The following NCOR1 variants were observed in gnomAD, a reference collection of about 807,000 sequenced individuals.
NCOR1 encodes the protein nuclear receptor corepressor 1.
Under a neutral mutation model 288.1 loss-of-function variants are expected in NCOR1, and 63 were observed. The observed-to-expected ratio is 0.22, with a 90% confidence interval of 0.18 to 0.27. The LOEUF is 0.27. Ranked by LOEUF, NCOR1 falls within the 10% of genes least tolerant of loss-of-function variation. NCOR1 has a pLI of 1.00. For synonymous variants in NCOR1, 1,007 were observed against 1,065.9 expected, an observed-to-expected ratio of 0.94 and a Z score of 1.08; for missense variants, 2,397 against 3,019.2, an observed-to-expected ratio of 0.79 and a Z score of 4.83.
chr17:16,073,012 A>G (rs1410686207), intron 28 of NCOR1, among the ~76,000 whole-genome samples: 4 of 152,248 alleles, frequency 2.6e-5, no homozygotes, highest in Non-Finnish European at 2.9e-5. Context: ...TTTACCAGGG[A>G]AGGGTGAAGC....
intron 23 of NCOR1, among the ~76,000 whole-genome samples, chr17:16,082,436 C>G (rs2063545807): frequency 6.6e-6 from 1 of 152,076 alleles, no homozygotes; most frequent in Non-Finnish European, 1.5e-5. Context: ...TAAAGGAGGC[C>G]AGGTGCAGTG....
rs372397821 is a variant in NCOR1 at position 16,140,997 on chromosome 17, C to CAAAAAAAAAAAA, written c.1174-1823_1174-1812dup. Among the ~76,000 whole-genome samples, 43 of 113,682 alleles carry CAAAAAAAAAAAA rather than the reference C, an allele frequency of 3.8e-4. 1 individual carries two copies. The highest frequency in any genetic ancestry group is 4.7e-4 in the African/African-American group (14 of 29,716). The allele number at this position is 113,682 out of a possible 152,430, so 74.6% of individuals were successfully genotyped here. On this transcript the variant is annotated intron_variant, in intron 11 of 45. Transcript: ENST00000268712. ...CAGAGTAAGACCCTATCTCCTATCT[C>CAAAAAAAAAAAA]AAAAAAAAAAAAAAGGAAAATTCAC...
intron 21 of NCOR1, among the ~76,000 whole-genome samples, chr17:16,093,781 ATT>A (rs375623327): frequency 2.6e-5 from 4 of 152,140 alleles, no homozygotes; most frequent in African/African-American, 9.7e-5. Flanking sequence ...TGAAAATATT[ATT>A]TCTTATGCAG....
rs1387548233 is a variant in NCOR1 at position 16,031,614 on chromosome 17, T to C, written c.*682A>G. ...CAGTGCTACTAATGAAAAAAAAAAA[T>C]TAAAGCCTGCACTGGAAATTTACAA... On this transcript the variant is annotated 3_prime_UTR_variant, in exon 46 of 46. Coordinates refer to ENST00000268712, the MANE Select transcript of NCOR1 (RefSeq NM_006311.4). 9.1e-6 allele frequency: 2 copies of C among 220,152 alleles called. No individual in the cohort carries two copies. Among genetic ancestry groups the C allele is most frequent in the African/African-American group, 4.5e-5 (2 of 44,432 alleles). The allele number at this position is 220,152 out of a possible 1,614,324, so 13.6% of individuals were successfully genotyped here. A position where few individuals can be genotyped will look rare whatever the true frequency, so the allele number is the denominator to read the frequency against.
intron 10 of NCOR1, among the ~76,000 whole-genome samples, chr17:16,145,900 T>C (rs961215713): frequency 2.0e-5 from 3 of 152,212 alleles, no homozygotes; most frequent in Non-Finnish European, 4.4e-5. Context: ...ATTGTTACTG[T>C]GTCCGTGTGG....
chr17:16,032,182 A>C lies in NCOR1; in HGVS notation c.*114T>G. 1 of 1,065,338 alleles carries C rather than the reference A, an allele frequency of 9.4e-7. No individual in the cohort carries two copies. The highest frequency in any genetic ancestry group is 3.0e-5 in the East Asian group (1 of 32,962). 66.0% of individuals were successfully genotyped at this position (1,065,338 alleles called of 1,614,324 possible). Reference sequence around the variant, plus strand: ...CATCATCTGTGGGCTGGCTCTCCTGAAAAGTCTCAGGGAATAAGTCACAGG... The same window carrying C: ...CATCATCTGTGGGCTGGCTCTCCTGCAAAGTCTCAGGGAATAAGTCACAGG... On this transcript the variant is annotated 3_prime_UTR_variant, in exon 46 of 46. Transcript: ENST00000268712.
chr17:16,054,783 T>A (rs1238202020), intron 40 of NCOR1, among the ~76,000 whole-genome samples: 1 of 151,832 alleles, frequency 6.6e-6, no homozygotes, highest in East Asian at 1.9e-4. Context: ...AATACAAAAA[T>A]TAACCAGATA....
At chr17:16,193,453 A>C (rs2089030241) in intron 2 of NCOR1, among the ~76,000 whole-genome samples, 1 of 151,922 alleles carries the variant, frequency 6.6e-6, no homozygotes, top group Non-Finnish European at 1.5e-5. Context: ...GGCTGGTCTC[A>C]AACTCCTGAC....
At chr17:16,084,858 G>A (rs1196610834) in intron 23 of NCOR1, among the ~76,000 whole-genome samples, 1 of 152,120 alleles carries the variant, frequency 6.6e-6, no homozygotes, top group African/African-American at 2.4e-5. Flanking sequence ...AAAGCTTTCA[G>A]AAGAAAACAC....
At position 16,034,481 on chromosome 17, in the gene NCOR1, G is replaced by A. The variant is rs532593150; in HGVS notation, c.7135+284C>T. 7.9e-5 allele frequency among the ~76,000 whole-genome samples: 12 copies of A among 152,110 alleles called. No homozygotes were observed. The East Asian group carries it at 1.9e-3, about 25-fold the overall frequency. On this transcript the variant is annotated intron_variant, in intron 45 of 45. Transcript: ENST00000268712. The stretch of plus-strand genomic sequence containing the variant: ...AAATTAGCCAGGCATGGTCGTGCAC[G>A]CCTGTAGTCCCAGCTACTTGGGTCG...
rs553013398 is a variant in NCOR1, at chr17:16,145,818, C to G, written c.1082+558G>C. On this transcript the variant is annotated intron_variant, in intron 10 of 45. Coordinates refer to ENST00000268712, the MANE Select transcript of NCOR1 (RefSeq NM_006311.4). ...GTGTGCCCAACAGCTCATTGAGAGC[C>G]GGCCAGGATGACGATGGCGGTTTTG... Among the ~76,000 whole-genome samples the G allele has an allele frequency of 2.6e-3, 395 of 152,240 alleles. 1 individual carries two copies. The highest frequency in any genetic ancestry group is 4.2e-3 in the Non-Finnish European group (288 of 68,022).
At chr17:16,154,928 CAA>C (rs1568365770) in intron 6 of NCOR1, among the ~76,000 whole-genome samples, 4 of 152,134 alleles carry the variant, frequency 2.6e-5, no homozygotes, top group Admixed American at 6.5e-5. Context: ...CATGAAGTGG[CAA>C]AGAGAGAGAA....
intron 5 of NCOR1, among the ~76,000 whole-genome samples, chr17:16,161,045 A>G (rs7219062): frequency 0.023 from 3,569 of 152,196 alleles, 141 homozygotes; most frequent in African/African-American, 0.081. Context: ...CAAAAGAAAG[A>G]TATTTGAAAT....
chr17:16,142,513 T>C (rs2077298579), intron 11 of NCOR1, among the ~76,000 whole-genome samples: 1 of 152,086 alleles, frequency 6.6e-6, no homozygotes, highest in South Asian at 2.1e-4. Flanking sequence ...TCTTGAGAGT[T>C]TGAACAGGGC....
At chr17:16,037,639 C>T (rs1305711408) in intron 44 of NCOR1, among the ~76,000 whole-genome samples, 1 of 152,096 alleles carries the variant, frequency 6.6e-6, no homozygotes, top group Non-Finnish European at 1.5e-5. Context: ...TAATGACCAA[C>T]CCCCCTTTCC....
chr17:16,059,076 A>G (rs2060265105), intron 37 of NCOR1, among the ~76,000 whole-genome samples: 1 of 148,092 alleles, frequency 6.8e-6, no homozygotes, highest in African/African-American at 2.5e-5. Flanking sequence ...AAAAAAAAAA[A>G]GACATGTTTT....
intron 1 of NCOR1, among the ~76,000 whole-genome samples, chr17:16,211,708 G>A (rs572772427): frequency 6.6e-6 from 1 of 152,098 alleles, no homozygotes; most frequent in African/African-American, 2.4e-5. Flanking sequence ...TGTATCTGAA[G>A]ACTATTCTAG....
At chr17:16,144,125 T>A (rs1276455388) in intron 10 of NCOR1, among the ~76,000 whole-genome samples, 2 of 152,126 alleles carry the variant, frequency 1.3e-5, no homozygotes, top group East Asian at 3.8e-4. Flanking sequence ...CATGAGACAA[T>A]AAAAAAGAAA....
chr17:16,133,819 G>A (rs544315568), intron 14 of NCOR1, among the ~76,000 whole-genome samples: 1 of 152,186 alleles, frequency 6.6e-6, no homozygotes, highest in East Asian at 1.9e-4. Context: ...AACTCCACAG[G>A]TCAAAACTTG....
Sources: gnomAD v4.1 joint callset for allele counts (sites outside exome capture counted in the v4.1 genomes callset) on GRCh38, gnomAD v4.1.1 for gene constraint, MANE v1.5 for transcripts, NCBI Gene and HGNC (gene_info 2026-07-23, HGNC 2026-07-21) for gene names.